The following CFAP92 variants were observed in gnomAD, a reference collection of about 807,000 sequenced individuals.
The protein encoded by CFAP92 is uncharacterized protein CFAP92.
CFAP92 carries 86 observed loss-of-function variants against 106.3 expected under a neutral mutation model. The observed-to-expected ratio is 0.81, with a 90% CI of 0.68 to 0.97. CFAP92 has a LOEUF of 0.97. CFAP92 is among the 50% of genes least tolerant of loss of function. The pLI, the probability that CFAP92 is intolerant of heterozygous loss-of-function variation, is 0.00. For missense variants in CFAP92, 1,204 were observed against 1,283.8 expected (o/e 0.94, Z 0.95); for synonymous variants, 477 against 506.4 (o/e 0.94, Z 0.78).
At chr3:128,915,915 C>G (rs149063576) in intron 13 of CFAP92, 192 bp downstream of exon 13, 1 of 439,414 alleles carries the variant, frequency 2.3e-6, no homozygotes, top group Admixed American at 3.9e-5. Context: ...CTTGGGCTTA[C>G]CCTCAGGTGT....
chr3:129,005,229 G>A (rs1945017873), upstream of CFAP92, among the ~76,000 whole-genome samples: 1 of 152,242 alleles, frequency 6.6e-6, no homozygotes, highest in African/African-American at 2.4e-5. Context: ...CGTGGCAGCA[G>A]GCAGGAGGTG....
chr3:128,928,079 C>G (rs1576412808), intron 12 of CFAP92, among the ~76,000 whole-genome samples: 1 of 151,974 alleles, frequency 6.6e-6, no homozygotes, highest in African/African-American at 2.4e-5. Context: ...GGTGAAACCC[C>G]GTCTCTACTA....
intron 15 of CFAP92, chr3:128,912,483 A>G (rs369082243): frequency 1.2e-6 from 2 of 1,600,040 alleles, no homozygotes; most frequent in East Asian, 2.2e-5. Flanking sequence ...AAGATCACCC[A>G]CCATCTCTCC....
intron 15 of CFAP92, chr3:128,914,878 G>A (rs1936676958): frequency 9.8e-6 from 5 of 512,574 alleles, no homozygotes; most frequent in Non-Finnish European, 1.7e-5. Context: ...CAGACCCAGG[G>A]CATGAAGGGA....
At chr3:129,009,097 T>G in the CFAP92 span, among the ~76,000 whole-genome samples, 52 of 152,160 alleles carry the variant, frequency 3.4e-4, no homozygotes, top group African/African-American at 1.2e-3. Flanking sequence ...TGTCATTCAA[T>G]CCCTGCCCAA....
the CFAP92 span, among the ~76,000 whole-genome samples, chr3:129,010,668 A>G: frequency 4.2e-5 from 6 of 144,196 alleles, no homozygotes; most frequent in African/African-American, 1.5e-4. The surrounding 1 kb of genome is among the most constrained non-coding windows in gnomAD (Gnocchi z 4.3). Context: ...CAGCGGGTCC[A>G]GGGTGGGAGG....
chr3:129,025,344 C>T, the CFAP92 span, among the ~76,000 whole-genome samples: 1 of 152,072 alleles, frequency 6.6e-6, no homozygotes, highest in Non-Finnish European at 1.5e-5. Context: ...GGAGGAATCC[C>T]AGAGGAGAGC....
At chr3:128,918,468 G>A (rs563481341) in intron 12 of CFAP92, among the ~76,000 whole-genome samples, 12 of 152,094 alleles carry the variant, frequency 7.9e-5, no homozygotes, top group African/African-American at 1.7e-4. Context: ...GCCAGACTCC[G>A]TCTCAAAAAA....
intron 2 of CFAP92, among the ~76,000 whole-genome samples, chr3:128,989,215 T>C (rs1379858550): frequency 6.6e-6 from 1 of 150,664 alleles, no homozygotes; most frequent in Non-Finnish European, 1.5e-5. Flanking sequence ...TGAAATCACA[T>C]GGCCAGGCCA....
upstream of CFAP92, among the ~76,000 whole-genome samples, chr3:129,005,911 A>G (rs1350354407): frequency 6.6e-6 from 1 of 152,236 alleles, no homozygotes; most frequent in Non-Finnish European, 1.5e-5. Context: ...CCAAGAGGAG[A>G]AATAAAGGGG....
At chr3:128,946,596 G>A (rs904011894) in intron 9 of CFAP92, among the ~76,000 whole-genome samples, 1 of 152,220 alleles carries the variant, frequency 6.6e-6, no homozygotes, top group African/African-American at 2.4e-5. Flanking sequence ...CAAGTCTGTG[G>A]TCTGAATTCG....
rs1944240614 is a variant in CFAP92, at chr3:128,991,898, C to T, written c.262+1145G>A. ...TATCAAGATGTGAAGTACTACTTGT[C>T]TCCTCCCCTCATATTGGGCTGGAAC... On this transcript the variant is annotated intron_variant, in intron 2 of 15. Transcript: ENST00000645291. The T allele has an allele frequency of 9.1e-6, 9 of 985,416 alleles. No homozygotes were observed. The South Asian group carries it at 3.7e-4, about 40-fold the overall frequency. The allele number at this position is 985,416 out of a possible 1,614,324, so 61.0% of individuals were successfully genotyped here.
At chr3:128,993,547 G>T in intron 1 of CFAP92, 2 of 572,616 alleles carry the variant, frequency 3.5e-6, no homozygotes, top group Non-Finnish European at 6.2e-6. Flanking sequence ...AGATAAGGGT[G>T]GCTGGCAGTA....
chr3:128,993,370 G>T, intron 1 of CFAP92, 34 bp from the exon 2 acceptor site: 1 of 1,544,466 alleles, frequency 6.5e-7, no homozygotes, highest in Non-Finnish European at 8.7e-7. Flanking sequence ...GTCCCCGCCT[G>T]TATTCCAGGG....
intron 15 of CFAP92, chr3:128,912,936 G>A (rs746285581): frequency 3.8e-6 from 2 of 522,162 alleles, no homozygotes; most frequent in African/African-American, 3.8e-5. Flanking sequence ...CAGGGTGTGA[G>A]GTGGGTGGGG....
intron 9 of CFAP92, among the ~76,000 whole-genome samples, chr3:128,956,196 T>TAAAAAAAAAAAAAAAAAAAAAAA (rs577724635): frequency 9.7e-5 from 6 of 61,686 alleles, no homozygotes; most frequent in South Asian, 5.5e-4. Context: ...AAAAAAAAAA[T>TAAAAAAAAAAAAAAAAAAAAAAA]AAAAAAAAAA....
intron 5 of CFAP92, among the ~76,000 whole-genome samples, chr3:128,977,479 G>A (rs889875453): frequency 9.2e-5 from 14 of 152,130 alleles, no homozygotes; most frequent in African/African-American, 3.1e-4. Flanking sequence ...ATTGCTCCTC[G>A]TGATGAAATT....
chr3:129,001,671 G>A lies in CFAP92; in HGVS notation n.117+903C>T, dbSNP rs751195044. The A allele has an allele frequency of 6.9e-6, 10 of 1,445,244 alleles. No individual in the cohort carries two copies. The highest frequency in any genetic ancestry group is 1.5e-5 in the African/African-American group (1 of 67,302). 89.5% of individuals were successfully genotyped at this position (1,445,244 alleles called of 1,614,324 possible). A position where few individuals can be genotyped will look rare whatever the true frequency, so the allele number is the denominator to read the frequency against. ...GGGCGCGGAGGCCGGCATGGAGGGC[G>A]CGGGAGGTGACCCGTACCGGCGACC... On this transcript the variant is annotated intron_variant and non_coding_transcript_variant, in intron 1 of 4. Coordinates refer to the CFAP92 transcript ENST00000510149.
intron 12 of CFAP92, among the ~76,000 whole-genome samples, chr3:128,919,480 A>G (rs1382698724): frequency 2.6e-5 from 4 of 152,274 alleles, no homozygotes; most frequent in Non-Finnish European, 5.9e-5. Context: ...ACTTGTAAAT[A>G]TATATGCACC....
Sources: allele counts gnomAD v4.1 joint callset (sites outside exome capture counted in the v4.1 genomes callset), GRCh38; gene constraint gnomAD v4.1.1; non-coding constraint Gnocchi (gnomAD v3.1); transcripts MANE v1.5; gene names NCBI Gene and HGNC (gene_info 2026-07-23, HGNC 2026-07-21).